The following MEP1A variants were observed in gnomAD, a reference collection of about 807,000 sequenced individuals.
MEP1A encodes meprin A subunit alpha, also known as N-benzoyl-L-tyrosyl-P-amino-benzoic acid hydrolase subunit alpha.
A neutral mutation model predicts 84.5 loss-of-function variants in MEP1A; 68 were observed. The ratio of observed to expected loss-of-function variants is 0.80; its 90% CI spans 0.66 to 0.98. The LOEUF (loss-of-function observed/expected upper bound fraction) is 0.98, where lower values mean the gene tolerates loss of function less well. Ranked by LOEUF, MEP1A falls within the 50% of genes least tolerant of loss-of-function variation. MEP1A has a pLI of 0.00. For missense variants in MEP1A, 887 were observed against 919.9 expected, an observed-to-expected ratio of 0.96 and a Z score of 0.46; for synonymous variants, 337 against 336.8, an observed-to-expected ratio of 1.00 and a Z score of -0.01.
intron 3 of MEP1A, among the ~76,000 whole-genome samples, chr6:46,796,172 C>A (rs1464168662): frequency 6.6e-6 from 1 of 152,156 alleles, no homozygotes; most frequent in Non-Finnish European, 1.5e-5. Context: ...AGGCCTCACC[C>A]CAGACTTAAT....
intron 7 of MEP1A, 52 bp downstream of exon 7, chr6:46,819,756 C>A: frequency 1.3e-6 from 2 of 1,570,808 alleles, no homozygotes; most frequent in Non-Finnish European, 1.7e-6. Flanking sequence ...GAGACCAATC[C>A]TGAGATGACC....
At chr6:46,822,146 A>G (rs1205118599) in intron 7 of MEP1A, among the ~76,000 whole-genome samples, 3 of 152,238 alleles carry the variant, frequency 2.0e-5, no homozygotes, top group Non-Finnish European at 4.4e-5. Flanking sequence ...TCCATGGGCC[A>G]TATCTACTTG....
chr6:46,810,900 G>A (rs1310886544), intron 6 of MEP1A, among the ~76,000 whole-genome samples: 3 of 152,038 alleles, frequency 2.0e-5, no homozygotes, highest in African/African-American at 2.4e-5. Context: ...GTTGGGTAAC[G>A]TGATGACTCC....
Position 46,833,065 on chromosome 6 carries a change from T to C in MEP1A, c.1145-9T>C. ...CACAGTTCTCACCAGCCTTGTTCTC[T>C]GTCCTCAGGAGATGATGACCACAAT... On this transcript the variant is annotated splice_polypyrimidine_tract_variant and intron_variant, in intron 10 of 13. Transcript: ENST00000230588. The C allele has an allele frequency of 6.7e-7, 1 of 1,482,306 alleles. No homozygotes were observed. The highest frequency in any genetic ancestry group is 9.1e-7 in the Non-Finnish European group (1 of 1,103,796). 91.8% of individuals were successfully genotyped at this position (1,482,306 alleles called of 1,614,324 possible).
In MEP1A at chr6:46,829,541, CG is replaced by C; in HGVS notation, c.1115del (p.Arg372ProfsTer4). ...VRRDDSTGNV[R>X]KLVKVQTFQG... is the part of the protein sequence containing the mutation. ...GAGGGATGACAGCACAGGCAATGTTCGCAAGTTGGTGAAGGTGCAGACTTTT... is the reference window on the plus strand; with the variant it reads ...GAGGGATGACAGCACAGGCAATGTTCCAAGTTGGTGAAGGTGCAGACTTTT... On this transcript the variant is annotated frameshift_variant, in exon 10 of 14. Coordinates refer to ENST00000230588, the MANE Select transcript of MEP1A (RefSeq NM_005588.3). LOFTEE classifies it high-confidence loss of function. 1 of 1,614,042 alleles carries C rather than the reference CG, an allele frequency of 6.2e-7. No homozygotes were observed. The highest frequency in any genetic ancestry group is 2.2e-5 in the East Asian group (1 of 44,870).
chr6:46,834,759 T>G lies in MEP1A; in HGVS notation c.1783+8T>G, dbSNP rs754127716. On this transcript the variant is annotated splice_region_variant and intron_variant, in intron 12 of 13. Coordinates refer to ENST00000230588, the MANE Select transcript of MEP1A (RefSeq NM_005588.3). ...TATTTGTGGACTTTGAAGGTACTTT[T>G]GTTGGTCTTCCTGAGTAAATAATCC... The G allele has an allele frequency of 2.5e-6, 4 of 1,607,274 alleles. No individual in the cohort carries two copies. The highest frequency in any genetic ancestry group is 3.4e-6 in the Non-Finnish European group (4 of 1,176,028).
intron 5 of MEP1A, among the ~76,000 whole-genome samples, chr6:46,803,123 A>G (rs1354680255): frequency 6.6e-6 from 1 of 151,674 alleles, no homozygotes; most frequent in African/African-American, 2.4e-5. Flanking sequence ...AAAATCACCA[A>G]TAAAATAAAT....
intron 7 of MEP1A, among the ~76,000 whole-genome samples, chr6:46,821,689 A>T (rs1185999128): frequency 1.3e-5 from 2 of 152,194 alleles, no homozygotes; most frequent in Admixed American, 1.3e-4. Context: ...TAATGCTTTT[A>T]AAATGGTTTT....
rs1562113689 is a variant in MEP1A at position 46,824,894 on chromosome 6, T to TATATATTTAAATAGATCTATTTAA, written c.557-372_557-371insTTAAATAGATCTATTTAAATATAT. 6.4e-4 allele frequency among the ~76,000 whole-genome samples: 33 copies of TATATATTTAAATAGATCTATTTAA among 51,924 alleles called. 5 individuals carry two copies. In the African/African-American group the frequency reaches 7.0e-3, roughly 11 times the overall value. The allele number at this position is 51,924 out of a possible 152,430, so 34.1% of individuals were successfully genotyped here. On this transcript the variant is annotated intron_variant, in intron 7 of 13. Coordinates refer to ENST00000230588, the MANE Select transcript of MEP1A (RefSeq NM_005588.3). ...TAGATCTATTTAAATATATATAAAT[T>TATATATTTAAATAGATCTATTTAA]ATATATATAAATTATATATTTAAAT...
intron 10 of MEP1A, among the ~76,000 whole-genome samples, chr6:46,831,312 A>T (rs1417448272): frequency 6.6e-6 from 1 of 152,230 alleles, no homozygotes; most frequent in Non-Finnish European, 1.5e-5. Context: ...CTCCATATGC[A>T]TATCTGTATA....
chr6:46,837,567 C>A (rs969119683), intron 13 of MEP1A, among the ~76,000 whole-genome samples: 3 of 152,220 alleles, frequency 2.0e-5, no homozygotes, highest in Admixed American at 2.0e-4. Context: ...GCCTGACAGG[C>A]CCTTAGATGC....
At chr6:46,813,628 G>C (rs1037402257) in intron 6 of MEP1A, among the ~76,000 whole-genome samples, 1 of 151,768 alleles carries the variant, frequency 6.6e-6, no homozygotes, top group East Asian at 1.9e-4. Flanking sequence ...TTTTCACTGT[G>C]TTATTGTTAT....
Position 46,809,465 on chromosome 6 carries a change from G to A in MEP1A, c.308G>A (p.Arg103His), listed in dbSNP as rs769261432. ...GAILYAFEMF[R>H]LKSCVDFKPY... ...ATTCTGTATGCCTTTGAGATGTTCCGTCTCAAGTCCTGTGTGGATTTCAAG... is the reference window on the plus strand; with the variant it reads ...ATTCTGTATGCCTTTGAGATGTTCCATCTCAAGTCCTGTGTGGATTTCAAG... Residue 103 changes from arginine (R) to histidine (H), a missense_variant, in exon 6 of 14, where the codon CGT (arginine) becomes CAT (histidine). Transcript: ENST00000230588. 6.2e-6 allele frequency: 10 copies of A among 1,609,540 alleles called. 1 individual carries two copies. The highest frequency in any genetic ancestry group is 4.4e-5 in the South Asian group (4 of 90,308).
the MEP1A span, among the ~76,000 whole-genome samples, chr6:46,844,948 G>A: frequency 6.6e-6 from 1 of 152,062 alleles, no homozygotes; most frequent in Admixed American, 6.5e-5. Context: ...GTTCTCATGA[G>A]AGCTGATGTT....
At chr6:46,813,288 CA>C (rs1320817761) in intron 6 of MEP1A, among the ~76,000 whole-genome samples, 1 of 152,052 alleles carries the variant, frequency 6.6e-6, no homozygotes, top group Non-Finnish European at 1.5e-5. Context: ...ATCATTGGGT[CA>C]ACCATGAAAT....
At chr6:46,845,754 A>G in the MEP1A span, among the ~76,000 whole-genome samples, 1 of 152,216 alleles carries the variant, frequency 6.6e-6, no homozygotes, top group East Asian at 1.9e-4. Context: ...AACTCTGAGA[A>G]CACTGTTTGG....
downstream of MEP1A, among the ~76,000 whole-genome samples, chr6:46,843,746 C>T (rs560225149): frequency 5.9e-5 from 9 of 152,302 alleles, no homozygotes; most frequent in South Asian, 1.7e-3. Context: ...CTCACACCTT[C>T]CCTTCTTGAG....
intron 11 of MEP1A, among the ~76,000 whole-genome samples, chr6:46,834,337 G>T (rs556435707): frequency 6.6e-6 from 1 of 151,942 alleles, no homozygotes; most frequent in Non-Finnish European, 1.5e-5. Flanking sequence ...ATCACTCAGA[G>T]CTGTGATTCT....
downstream of MEP1A, among the ~76,000 whole-genome samples, chr6:46,843,015 T>C (rs527923437): frequency 5.2e-4 from 79 of 152,334 alleles, no homozygotes; most frequent in African/African-American, 1.8e-3. Context: ...GTGCTCCACC[T>C]CCAAGCCTCT....
Sources: allele counts gnomAD v4.1 joint callset (sites outside exome capture counted in the v4.1 genomes callset), GRCh38; gene constraint gnomAD v4.1.1; transcripts MANE v1.5; gene names NCBI Gene and HGNC (gene_info 2026-07-23, HGNC 2026-07-21).